Variants in SKAP1 observed in about 807,000 individuals in gnomAD.
The protein encoded by SKAP1 is src kinase associated phosphoprotein 1, also known as src kinase-associated phosphoprotein 1.
In SKAP1, 44 loss-of-function variants were observed where a neutral mutation model predicts 58.5. That is an observed-to-expected ratio of 0.75 (90% CI 0.59 to 0.97). The LOEUF (loss-of-function observed/expected upper bound fraction) is 0.97, where lower values mean the gene tolerates loss of function less well. SKAP1 is among the 50% of genes least tolerant of loss of function. The pLI is 0.00. For synonymous variants in SKAP1, 127 were observed against 149.7 expected (o/e 0.85, Z 1.11); for missense variants, 390 against 435.2 (o/e 0.90, Z 0.92).
rs756040028 is a variant in SKAP1, at chr17:48,346,013, GA to G, written c.179-8del. On this transcript the variant is annotated splice_region_variant and splice_polypyrimidine_tract_variant and intron_variant, in intron 3 of 12. Coordinates refer to ENST00000336915, the MANE Select transcript of SKAP1 (RefSeq NM_003726.4). ...TCCTGTCCAATGTCTCCCCCTGAGG[GA>G]CAAAAAAGACAGAAAATAAGGTTAA... The G allele has an allele frequency of 2.1e-5, 33 of 1,536,998 alleles. No individual in the cohort carries two copies. The highest frequency in any genetic ancestry group is 2.7e-6 in the Non-Finnish European group (3 of 1,126,792).
At chr17:48,346,178 A>G (rs1315308479) in intron 3 of SKAP1, among the ~76,000 whole-genome samples, 172 bp from the exon 4 acceptor site, 1 of 152,204 alleles carries the variant, frequency 6.6e-6, no homozygotes, top group Non-Finnish European at 1.5e-5. Context: ...AAACAGTTAA[A>G]TAGGTTCAAG....
At chr17:48,434,480 A>C (rs1477524375), upstream of SKAP1, among the ~76,000 whole-genome samples, 1 of 152,182 alleles carries the variant, frequency 6.6e-6, no homozygotes, top group Non-Finnish European at 1.5e-5. Flanking sequence ...ACACACACTC[A>C]CACAAATACA....
At chr17:48,186,172 C>T (rs886167892) in intron 6 of SKAP1, among the ~76,000 whole-genome samples, 1 of 152,172 alleles carries the variant, frequency 6.6e-6, no homozygotes, top group Non-Finnish European at 1.5e-5. Context: ...AAAAGAACAA[C>T]TGGCTGGATT....
chr17:48,206,835 T>A (rs754147331), intron 4 of SKAP1, among the ~76,000 whole-genome samples: 1 of 152,136 alleles, frequency 6.6e-6, no homozygotes, highest in Non-Finnish European at 1.5e-5. Flanking sequence ...AAAAAAAATT[T>A]TTTTGGAAAT....
intron 11 of SKAP1, among the ~76,000 whole-genome samples, chr17:48,157,894 A>T (rs2064001966): frequency 6.8e-6 from 1 of 147,772 alleles, no homozygotes; most frequent in Non-Finnish European, 1.5e-5. Context: ...TTGAAAAGGG[A>T]TAGCCGGACA....
chr17:48,172,078 A>G (rs1050697412), intron 9 of SKAP1, among the ~76,000 whole-genome samples: 2 of 152,180 alleles, frequency 1.3e-5, no homozygotes, highest in Admixed American at 1.3e-4. Flanking sequence ...AACAAAAAAC[A>G]AAAAACCCTC....
chr17:48,231,035 T>G (rs779567133), intron 4 of SKAP1, among the ~76,000 whole-genome samples: 1 of 152,146 alleles, frequency 6.6e-6, no homozygotes, highest in Non-Finnish European at 1.5e-5. Context: ...AATTCAGGGA[T>G]AGGTTAAAGG....
intron 4 of SKAP1, among the ~76,000 whole-genome samples, chr17:48,261,488 C>T (rs1319516689): frequency 1.3e-5 from 2 of 152,122 alleles, no homozygotes; most frequent in East Asian, 1.9e-4. Flanking sequence ...GGGCGTTTTA[C>T]GCTGAGGATG....
chr17:48,219,430 A>G (rs551080234), intron 4 of SKAP1, among the ~76,000 whole-genome samples: 1 of 152,262 alleles, frequency 6.6e-6, no homozygotes, highest in East Asian at 1.9e-4. Context: ...TTCTAATATG[A>G]CTGTTTATTG....
At chr17:48,165,147 A>C (rs1008213776) in intron 10 of SKAP1, among the ~76,000 whole-genome samples, 1 of 152,196 alleles carries the variant, frequency 6.6e-6, no homozygotes, top group African/African-American at 2.4e-5. Flanking sequence ...CGCTGTGTGT[A>C]ATAGGGAATC....
intron 4 of SKAP1, chr17:48,249,018 A>T (rs2065331176): frequency 6.6e-6 from 1 of 152,142 alleles, no homozygotes; most frequent in Non-Finnish European, 1.5e-5. Flanking sequence ...ACACGGTGAA[A>T]CCCCGTCTCT....
chr17:48,340,918 G>T (rs150447004), intron 4 of SKAP1, among the ~76,000 whole-genome samples: 2 of 152,286 alleles, frequency 1.3e-5, no homozygotes, highest in Non-Finnish European at 2.9e-5. Context: ...TGGAAAGCCC[G>T]TAAGAGTAGA....
chr17:48,325,043 T>C (rs1404256302), intron 4 of SKAP1, among the ~76,000 whole-genome samples: 2 of 151,854 alleles, frequency 1.3e-5, no homozygotes, highest in Non-Finnish European at 2.9e-5. Context: ...GGTCAGGAGA[T>C]CGAGACCATC....
chr17:48,254,699 T>G (rs750690548), intron 4 of SKAP1, among the ~76,000 whole-genome samples: 21 of 150,912 alleles, frequency 1.4e-4, no homozygotes, highest in Non-Finnish European at 2.8e-4. Flanking sequence ...TTCTGTATGT[T>G]GTCTTAGAAG....
intron 4 of SKAP1, among the ~76,000 whole-genome samples, chr17:48,238,562 G>T (rs1413512941): frequency 1.3e-5 from 2 of 151,820 alleles, no homozygotes; most frequent in Non-Finnish European, 2.9e-5. Context: ...ACCATGCCCA[G>T]CAGTCTCCCT....
chr17:48,397,240 G>T (rs2011795), intron 1 of SKAP1, among the ~76,000 whole-genome samples: 37,776 of 151,882 alleles, frequency 0.25, 6,176 homozygotes, highest in Non-Finnish European at 0.35. Context: ...TTTCTTTTAG[G>T]GGGGGGATGG....
intron 4 of SKAP1, among the ~76,000 whole-genome samples, chr17:48,242,263 GAAC>G (rs1361867371): frequency 3.9e-5 from 6 of 152,200 alleles, no homozygotes; most frequent in Non-Finnish European, 7.3e-5. Flanking sequence ...CCCAGGGAAT[GAAC>G]GTCGTTGATC....
intron 4 of SKAP1, among the ~76,000 whole-genome samples, chr17:48,201,547 C>A (rs1447355495): frequency 6.6e-6 from 1 of 152,070 alleles, no homozygotes; most frequent in Non-Finnish European, 1.5e-5. Context: ...CCACACTTGG[C>A]TAATTTATTT....
chr17:48,370,211 A>G (rs1381719996), intron 2 of SKAP1, among the ~76,000 whole-genome samples: 2 of 152,250 alleles, frequency 1.3e-5, no homozygotes, highest in African/African-American at 2.4e-5. Context: ...GAGAAGACAC[A>G]CAAGTGGCCA....
Sources: allele counts gnomAD v4.1 joint callset (sites outside exome capture counted in the v4.1 genomes callset), GRCh38; gene constraint gnomAD v4.1.1; transcripts MANE v1.5; gene names NCBI Gene and HGNC (gene_info 2026-07-23, HGNC 2026-07-21).